DMD: variants seen among roughly 807,000 people sequenced by gnomAD.
The protein encoded by DMD is dystrophin.
In DMD, 63 loss-of-function variants were observed where a neutral mutation model predicts 330.1. The ratio of observed to expected loss-of-function variants is 0.19; its 90% CI spans 0.16 to 0.24. DMD has a LOEUF of 0.24. DMD is among the 10% of genes least tolerant of loss of function. The pLI, the probability that DMD is intolerant of heterozygous loss-of-function variation, is 1.00. For synonymous variants in DMD, 1,223 were observed against 959.8 expected, an observed-to-expected ratio of 1.27 and a Z score of -5.07; for missense variants, 3,344 against 2,684.1, an observed-to-expected ratio of 1.25 and a Z score of -5.43.
At chrX:32,290,873 C>T (rs962312886) in intron 42 of DMD, among the ~76,000 whole-genome samples, 1 of 111,791 alleles carries the variant, frequency 8.9e-6, no homozygotes, top group Non-Finnish European at 1.9e-5. Flanking sequence ...AATGAGTGTT[C>T]CAAGTGGTAC....
chrX:32,984,638 T>G (rs1195423354), intron 2 of DMD, among the ~76,000 whole-genome samples: 2 of 112,061 alleles, frequency 1.8e-5, no homozygotes, highest in African/African-American at 6.5e-5. Context: ...TGCTATAATA[T>G]GTGAAGCCCT....
intron 55 of DMD, among the ~76,000 whole-genome samples, chrX:31,578,070 A>G (rs1338050434): frequency 9.0e-6 from 1 of 111,607 alleles, no homozygotes; most frequent in African/African-American, 3.3e-5. Context: ...AGAGACTCCC[A>G]CACATATTGA....
chrX:31,813,983 C>T (rs903811697), intron 50 of DMD, among the ~76,000 whole-genome samples: 6 of 110,987 alleles, frequency 5.4e-5, no homozygotes, highest in African/African-American at 2.0e-4. Context: ...ACAGAGTTGA[C>T]CACATGACCC....
chrX:31,496,754 C>T (rs745591661), intron 57 of DMD, 34 bp downstream of exon 57: 5 of 1,207,602 alleles, frequency 4.1e-6, no homozygotes, highest in Non-Finnish European at 5.6e-6. Context: ...ATGTGCTTAA[C>T]ATGTGCAAGG....
chrX:32,142,715 C>T (rs6631504), intron 44 of DMD, among the ~76,000 whole-genome samples: 34,389 of 111,065 alleles, frequency 0.31, 4,156 homozygotes, highest in East Asian at 0.64. Context: ...AAATTCTGAA[C>T]CCCAATAAAC....
At chrX:31,998,158 C>T (rs371728156) in intron 44 of DMD, among the ~76,000 whole-genome samples, 7 of 111,567 alleles carry the variant, frequency 6.3e-5, no homozygotes, top group African/African-American at 1.6e-4. Context: ...GAGGAAGAAA[C>T]GTATAAATCA....
chrX:31,498,250 G>A (rs1340489011), intron 56 of DMD, among the ~76,000 whole-genome samples: 2 of 111,887 alleles, frequency 1.8e-5, no homozygotes. Context: ...AAACAAAACA[G>A]AAACAACTTA....
chrX:33,102,998 C>T (rs1031199823), intron 1 of DMD, among the ~76,000 whole-genome samples: 3 of 111,181 alleles, frequency 2.7e-5, no homozygotes, highest in African/African-American at 9.8e-5. Flanking sequence ...CATTTCTTTA[C>T]TGAAGACTAC....
At chrX:31,654,698 A>G (rs2080671455) in intron 54 of DMD, among the ~76,000 whole-genome samples, 1 of 111,414 alleles carries the variant, frequency 9.0e-6, no homozygotes, top group Non-Finnish European at 1.9e-5. Context: ...TATAAGTGGG[A>G]GCTAAATGAT....
chrX:31,440,129 A>C, intron 60 of DMD, among the ~76,000 whole-genome samples: 1 of 100,664 alleles, frequency 9.9e-6, no homozygotes. Context: ...TATTGTCCAA[A>C]ATAGTTTTAA....
chrX:31,944,480 CT>C (rs763562090), intron 45 of DMD, among the ~76,000 whole-genome samples: 3,152 of 98,524 alleles, frequency 0.032, 34 homozygotes, highest in Non-Finnish European at 0.047. Flanking sequence ...ACAATTACCA[CT>C]TTTTTTTTTT....
At position 32,879,021 on chromosome X, in the gene DMD, A is replaced by AAAAAC. The variant is rs1352069437; in HGVS notation, c.94-29202_94-29201insGTTTT. On this transcript the variant is annotated intron_variant, in intron 2 of 78. Coordinates refer to ENST00000357033, the MANE Select transcript of DMD (RefSeq NM_004006.3). Reference sequence around the variant, plus strand: ...AGACTACGTCTCAAAAAAAAAACAAAAAACAAAAAACAAACAAAAAAAAAA... The same window carrying AAAAAC: ...AGACTACGTCTCAAAAAAAAAACAAAAAAACAAACAAAAAACAAACAAAAAAAAAA... Among the ~76,000 whole-genome samples the AAAAAC allele has an allele frequency of 3.4e-4, 35 of 101,792 alleles. 1 individual carries two copies. Among genetic ancestry groups the AAAAAC allele is most frequent in the South Asian group, 8.4e-4 (2 of 2,389 alleles). The allele number at this position is 101,792 out of a possible 115,157, so 88.4% of individuals were successfully genotyped here. A position where few individuals can be genotyped will look rare whatever the true frequency, so the allele number is the denominator to read the frequency against.
chrX:32,721,630 A>C (rs1470464845), intron 7 of DMD, among the ~76,000 whole-genome samples: 3 of 110,861 alleles, frequency 2.7e-5, no homozygotes, highest in East Asian at 5.6e-4. Flanking sequence ...TGTTTTGCAA[A>C]TATCTACTCA....
intron 1 of DMD, among the ~76,000 whole-genome samples, chrX:33,055,802 T>C (rs2094510433): frequency 8.9e-6 from 1 of 111,734 alleles, no homozygotes; most frequent in African/African-American, 3.3e-5. Context: ...ACCAGCTATA[T>C]GACCTTGAAC....
chrX:32,230,506 A>C (rs1474826803), intron 43 of DMD, among the ~76,000 whole-genome samples: 2 of 112,006 alleles, frequency 1.8e-5, no homozygotes, highest in East Asian at 5.6e-4. Flanking sequence ...CGGCCTCCCA[A>C]AGTGCTGGGA....
intron 7 of DMD, among the ~76,000 whole-genome samples, chrX:32,758,240 T>C (rs975801690): frequency 2.7e-5 from 3 of 111,834 alleles, no homozygotes; most frequent in African/African-American, 9.8e-5. Flanking sequence ...CTCTTGACTA[T>C]TGCTGTCACT....
intron 6 of DMD, among the ~76,000 whole-genome samples, chrX:32,809,943 A>AGAAAG (rs1164362059): frequency 9.5e-5 from 8 of 83,984 alleles, no homozygotes; most frequent in African/African-American, 3.3e-4. Context: ...AAAAAAAAAA[A>AGAAAG]AAAGAAAGAA....
chrX:33,233,187 T>C (rs2052418952), intron 1 of DMD, among the ~76,000 whole-genome samples: 1 of 111,672 alleles, frequency 9.0e-6, no homozygotes, highest in African/African-American at 3.3e-5. Flanking sequence ...AACCTATAAA[T>C]ACAAACAAAT....
At chrX:32,487,181 G>A (rs1351082367) in intron 20 of DMD, among the ~76,000 whole-genome samples, 1 of 111,640 alleles carries the variant, frequency 9.0e-6, no homozygotes, top group African/African-American at 3.3e-5. Context: ...CCATCAAAAA[G>A]TGGGCGAAGG....
Sources: allele counts gnomAD v4.1 joint callset (sites outside exome capture counted in the v4.1 genomes callset), GRCh38; gene constraint gnomAD v4.1.1; transcripts MANE v1.5; gene names NCBI Gene and HGNC (gene_info 2026-07-23, HGNC 2026-07-21).